Variants in RAB10 observed in about 807,000 individuals in gnomAD.
The protein encoded by RAB10 is ras-related protein Rab-10.
RAB10 carries 5 observed loss-of-function variants against 25.7 expected under a neutral mutation model. That is an observed-to-expected ratio of 0.19 (90% CI 0.10 to 0.41). The LOEUF (loss-of-function observed/expected upper bound fraction) is 0.41. RAB10 is among the 10% of genes least tolerant of loss of function. The pLI is 1.00. For synonymous variants in RAB10, 89 were observed against 86.4 expected, an observed-to-expected ratio of 1.03 and a Z score of -0.16; for missense variants, 103 against 245.8, an observed-to-expected ratio of 0.42 and a Z score of 3.89.
intron 2 of RAB10, among the ~76,000 whole-genome samples, chr2:26,105,151 A>G (rs997037694): frequency 2.0e-5 from 3 of 152,142 alleles, no homozygotes; most frequent in Non-Finnish European, 4.4e-5. Context: ...TTTTTCCCCA[A>G]TGAAGATATT....
At chr2:26,034,008 C>G (rs1665697939), upstream of RAB10, 1 of 398,820 alleles carries the variant, frequency 2.5e-6, no homozygotes, top group Admixed American at 4.4e-5. Flanking sequence ...CGCCCCCATG[C>G]CCTCTTGTGC....
At chr2:26,067,884 A>G (rs1375086909) in intron 1 of RAB10, among the ~76,000 whole-genome samples, 7 of 152,238 alleles carry the variant, frequency 4.6e-5, no homozygotes. Flanking sequence ...ATGTTTGGAA[A>G]CACCAATCAT....
intron 1 of RAB10, among the ~76,000 whole-genome samples, chr2:26,060,948 C>G (rs955429342): frequency 6.6e-6 from 1 of 151,830 alleles, no homozygotes; most frequent in Admixed American, 6.6e-5. Context: ...TGAGTGATTT[C>G]TTCAGTTACA....
At chr2:26,078,772 A>G (rs1666795502) in intron 1 of RAB10, among the ~76,000 whole-genome samples, 1 of 152,248 alleles carries the variant, frequency 6.6e-6, no homozygotes, top group African/African-American at 2.4e-5. Flanking sequence ...TAAAAAAAGA[A>G]CATATTATAT....
rs113607141 is a variant in RAB10, at chr2:26,066,807, G to C, written c.128-31855G>C. 9.9e-3 allele frequency among the ~76,000 whole-genome samples: 1,320 copies of C among 133,932 alleles called. 9 individuals are homozygous for C. The highest frequency in any genetic ancestry group is 0.014 in the Non-Finnish European group (930 of 65,938). 87.9% of individuals were successfully genotyped at this position (133,932 alleles called of 152,430 possible). A position where few individuals can be genotyped will look rare whatever the true frequency, so the allele number is the denominator to read the frequency against. ...TTTTTTTTTTTTTTTTTTTGATACGGAGTCTCACTCTGTCACCCAGGCTGA... is the reference window on the plus strand; with the variant it reads ...TTTTTTTTTTTTTTTTTTTGATACGCAGTCTCACTCTGTCACCCAGGCTGA... On this transcript the variant is annotated intron_variant, in intron 1 of 5. Coordinates refer to ENST00000264710, the MANE Select transcript of RAB10 (RefSeq NM_016131.5).
intron 1 of RAB10, among the ~76,000 whole-genome samples, chr2:26,081,984 A>G (rs1307151077): frequency 6.6e-6 from 1 of 152,204 alleles, no homozygotes; most frequent in African/African-American, 2.4e-5. Flanking sequence ...CCGGATGGAA[A>G]TCGAAACTTA....
intron 2 of RAB10, among the ~76,000 whole-genome samples, chr2:26,100,316 A>G (rs1667316171): frequency 6.6e-6 from 1 of 152,096 alleles, no homozygotes; most frequent in Non-Finnish European, 1.5e-5. Context: ...TTTCAAAACT[A>G]CTCTCTTATC....
rs1665717408 is a variant in RAB10, at chr2:26,034,397, C to T, written c.-212C>T. On this transcript the variant is annotated 5_prime_UTR_variant, in exon 1 of 6. Coordinates refer to ENST00000264710, the MANE Select transcript of RAB10 (RefSeq NM_016131.5). ...CGGGCGGACGGGCTGGGAGAGGCTGCGGAGCCGCGGTCGCCGCCCTCGGAG... is the reference window on the plus strand; with the variant it reads ...CGGGCGGACGGGCTGGGAGAGGCTGTGGAGCCGCGGTCGCCGCCCTCGGAG... The T allele has an allele frequency of 1.6e-6, 1 of 627,336 alleles. No homozygotes were observed. The highest frequency in any genetic ancestry group is 2.7e-6 in the Non-Finnish European group (1 of 364,354). 38.9% of individuals were successfully genotyped at this position (627,336 alleles called of 1,614,324 possible). A position where few individuals can be genotyped will look rare whatever the true frequency, so the allele number is the denominator to read the frequency against.
intron 1 of RAB10, among the ~76,000 whole-genome samples, chr2:26,087,775 G>C (rs958238309): frequency 2.0e-5 from 3 of 152,152 alleles, no homozygotes; most frequent in African/African-American, 7.2e-5. Flanking sequence ...ATTATCCTGA[G>C]GTTTTAATGA....
At chr2:26,107,621 C>T (rs965674853) in intron 2 of RAB10, among the ~76,000 whole-genome samples, 6 of 151,870 alleles carry the variant, frequency 4.0e-5, no homozygotes, top group African/African-American at 1.5e-4. Flanking sequence ...CATGGTGAAA[C>T]CCCATTTCTA....
At chr2:26,119,909 A>C (rs1330529847) in intron 3 of RAB10, among the ~76,000 whole-genome samples, 2 of 152,224 alleles carry the variant, frequency 1.3e-5, no homozygotes, top group East Asian at 3.8e-4. Flanking sequence ...TTTCCTCACT[A>C]GCCCCAGAAT....
intron 1 of RAB10, among the ~76,000 whole-genome samples, chr2:26,087,407 T>G (rs1381686472): frequency 6.6e-6 from 1 of 152,168 alleles, no homozygotes; most frequent in Non-Finnish European, 1.5e-5. Context: ...CTGTTGTTGG[T>G]GTTACTATTA....
chr2:26,107,749 CTG>C (rs985059333), intron 2 of RAB10, among the ~76,000 whole-genome samples: 3 of 151,454 alleles, frequency 2.0e-5, no homozygotes, highest in African/African-American at 7.3e-5. Context: ...TGAGCCGAGA[CTG>C]TGCCATTGCA....
At chr2:26,115,405 A>G (rs555940336) in intron 3 of RAB10, among the ~76,000 whole-genome samples, 1 of 152,220 alleles carries the variant, frequency 6.6e-6, no homozygotes, top group Non-Finnish European at 1.5e-5. Context: ...AACATCACTC[A>G]GCCATTAAAA....
chr2:26,075,384 A>G (rs997764634), intron 1 of RAB10, among the ~76,000 whole-genome samples: 3 of 152,058 alleles, frequency 2.0e-5, no homozygotes, highest in African/African-American at 7.2e-5. Context: ...GTTTGAAGAT[A>G]CTTCCCACCC....
In RAB10 at chr2:26,109,889, C is replaced by A; in HGVS notation, c.310C>A (p.Leu104Ile). ...GKSFENISKW[L>I]RNIDEHANED... Reference sequence around the variant, plus strand: ...AAGTTTTGAAAACATCAGCAAATGGCTTAGAAACATAGATGAGGTAAGACC... The same window carrying A: ...AAGTTTTGAAAACATCAGCAAATGGATTAGAAACATAGATGAGGTAAGACC... Residue 104 changes from leucine (L) to isoleucine (I), a missense_variant, in exon 3 of 6, where the codon CTT becomes ATT. Coordinates refer to ENST00000264710, the MANE Select transcript of RAB10 (RefSeq NM_016131.5). 2 of 1,606,742 alleles carry A rather than the reference C, an allele frequency of 1.2e-6. No individual in the cohort carries two copies. Among genetic ancestry groups the A allele is most frequent in the South Asian group, 2.2e-5 (2 of 89,586 alleles).
intron 1 of RAB10, among the ~76,000 whole-genome samples, chr2:26,083,683 A>G (rs547924648): frequency 6.6e-6 from 1 of 151,966 alleles, no homozygotes; most frequent in African/African-American, 2.4e-5. Flanking sequence ...ACACTGGGCT[A>G]ATTTTTTGTA....
intron 1 of RAB10, among the ~76,000 whole-genome samples, chr2:26,086,107 G>A (rs901143341): frequency 6.6e-6 from 1 of 151,626 alleles, no homozygotes; most frequent in African/African-American, 2.4e-5. Flanking sequence ...CTGAGGCCAG[G>A]AGTTCAAGAC....
chr2:26,095,832 A>G (rs992360158), intron 1 of RAB10, among the ~76,000 whole-genome samples: 7 of 152,094 alleles, frequency 4.6e-5, no homozygotes, highest in Admixed American at 1.3e-4. Flanking sequence ...GGATCACCTG[A>G]GCCCAGGAGG....
Sources: gnomAD v4.1 joint callset for allele counts (sites outside exome capture counted in the v4.1 genomes callset) on GRCh38, gnomAD v4.1.1 for gene constraint, MANE v1.5 for transcripts, NCBI Gene and HGNC (gene_info 2026-07-23, HGNC 2026-07-21) for gene names.